Variants in EIF2AK1 observed in about 807,000 individuals in gnomAD.
EIF2AK1 encodes the protein eukaryotic translation initiation factor 2 alpha kinase 1.
In EIF2AK1, 54 loss-of-function variants were observed where a neutral mutation model predicts 77.9. That is an observed-to-expected ratio of 0.69 (90% confidence interval 0.56 to 0.87). EIF2AK1 has a LOEUF of 0.87. Among genes scored for constraint, EIF2AK1 ranks in the 40% least tolerant of loss-of-function variants. The pLI, the probability that EIF2AK1 is intolerant of heterozygous loss-of-function variation, is 0.00. For missense variants in EIF2AK1, 810 were observed against 768.6 expected (o/e 1.05, Z -0.64); for synonymous variants, 314 against 290.5 (o/e 1.08, Z -0.82).
chr7:6,039,740 G>C (rs962181481), intron 9 of EIF2AK1, among the ~76,000 whole-genome samples: 12 of 151,060 alleles, frequency 7.9e-5, no homozygotes, highest in African/African-American at 2.7e-4. Flanking sequence ...TTTGATACCA[G>C]CCTGGCCAAC....
At chr7:6,045,179 CTCACTGCAA>C (rs1021524063) in intron 6 of EIF2AK1, among the ~76,000 whole-genome samples, 3 of 151,562 alleles carry the variant, frequency 2.0e-5, no homozygotes, top group African/African-American at 7.3e-5. Flanking sequence ...GCCATCTTGG[CTCACTGCAA>C]TCACTTTGCT....
In EIF2AK1 at chr7:6,029,005, C is replaced by T. The variant is rs1787826467; in HGVS notation, c.1360G>A (p.Asp454Asn). The T allele has an allele frequency of 2.5e-6, 4 of 1,612,170 alleles. No homozygotes were observed. In the Admixed American group the frequency reaches 5.1e-5, roughly 20 times the overall value. ...KPRNIFLHGP[D>N]QQVKIGDFGL... ...AAGTCTCCTATTTTTACTTGCTGAT[C>T]AGGGCCATGAAGAAAAATATTTCTT... Residue 454 changes from aspartate (D) to asparagine (N), a missense_variant, in exon 12 of 15, where the codon GAT becomes AAT. Transcript: ENST00000199389.
chr7:6,049,104 C>T (rs989630010), intron 3 of EIF2AK1, among the ~76,000 whole-genome samples: 9 of 152,114 alleles, frequency 5.9e-5, no homozygotes, highest in African/African-American at 1.7e-4. Flanking sequence ...ACCTCTCTCG[C>T]GTGTATGGTG....
chr7:6,023,667 C>T lies in EIF2AK1; in HGVS notation c.*1006G>A. 6.2e-7 allele frequency: 1 copy of T among 1,614,106 alleles called. No individual in the cohort carries two copies. The highest frequency in any genetic ancestry group is 8.5e-7 in the Non-Finnish European group (1 of 1,180,004). Reference sequence around the variant, plus strand: ...CTTGTGAAAACCTGGCTCCTTTTAACACGGCCCTCAAGCTCCTTAAGTGAA... The same window carrying T: ...CTTGTGAAAACCTGGCTCCTTTTAATACGGCCCTCAAGCTCCTTAAGTGAA... On this transcript the variant is annotated 3_prime_UTR_variant, in exon 15 of 15. Transcript: ENST00000199389.
chr7:6,045,498 C>G (rs112527249), intron 6 of EIF2AK1, among the ~76,000 whole-genome samples: 15 of 151,980 alleles, frequency 9.9e-5, no homozygotes, highest in African/African-American at 3.6e-4. Context: ...TTATGGCACA[C>G]TTATCACCAT....
At chr7:6,041,318 C>T (rs1456359316) in intron 8 of EIF2AK1, 99 bp from the exon 9 acceptor site, 2 of 1,246,336 alleles carry the variant, frequency 1.6e-6, no homozygotes, top group African/African-American at 3.0e-5. Flanking sequence ...GCGGGCAGAT[C>T]ACTTAAGGTC....
In EIF2AK1 at chr7:6,035,898, G is replaced by C. The variant is rs1250560906; in HGVS notation, c.1332+1526C>G. ...CAAAGCAGGCCGACTCCTCGGGGCG[G>C]GGGTCAGCTGCATCCGTCTGCTACT... On this transcript the variant is annotated intron_variant, in intron 11 of 14. Transcript: ENST00000199389. This position sits in a 1 kb window ranked among gnomAD's most constrained non-coding sequence, Gnocchi z 5.5. The C allele has an allele frequency of 6.5e-7, 1 of 1,546,750 alleles. No homozygotes were observed. The highest frequency in any genetic ancestry group is 2.0e-5 in the Admixed American group (1 of 50,786).
chr7:6,056,614 A>AAAAAAAAAAAAAAAAATATATG (rs1562761769), intron 1 of EIF2AK1, among the ~76,000 whole-genome samples: 6 of 53,472 alleles, frequency 1.1e-4, no homozygotes, highest in African/African-American at 6.3e-4. Context: ...AAAAAAAAAA[A>AAAAAAAAAAAAAAAAATATATG]TATATATATA....
At chr7:6,029,728 A>G (rs1293338816) in intron 11 of EIF2AK1, among the ~76,000 whole-genome samples, 1 of 152,094 alleles carries the variant, frequency 6.6e-6, no homozygotes, top group Non-Finnish European at 1.5e-5. Context: ...CACACCTGTA[A>G]TCTCAGCACT....
At chr7:6,058,795 G>C (rs545251172) in intron 1 of EIF2AK1, among the ~76,000 whole-genome samples, 171 bp downstream of exon 1, 1 of 152,326 alleles carries the variant, frequency 6.6e-6, no homozygotes, top group Non-Finnish European at 1.5e-5. Context: ...TACCTTACCC[G>C]ACGGCCCGCC....
chr7:6,041,882 C>G (rs1323078345), intron 8 of EIF2AK1, among the ~76,000 whole-genome samples: 1 of 150,182 alleles, frequency 6.7e-6, no homozygotes, highest in Non-Finnish European at 1.5e-5. Context: ...GGCACAATGG[C>G]TCATGCCTAT....
intron 13 of EIF2AK1, among the ~76,000 whole-genome samples, chr7:6,028,329 G>T (rs914708645): frequency 3.3e-5 from 5 of 151,206 alleles, no homozygotes; most frequent in Admixed American, 2.0e-4. Flanking sequence ...TCGGCTCACT[G>T]CAACCTCTGC....
intron 5 of EIF2AK1, 37 bp downstream of exon 5, chr7:6,046,955 T>G (rs1788462380): frequency 3.4e-6 from 5 of 1,473,390 alleles, no homozygotes; most frequent in Non-Finnish European, 4.6e-6. Flanking sequence ...CACAATTATT[T>G]AGGGTAGTAG....
intron 10 of EIF2AK1, 131 bp from the exon 11 acceptor site, chr7:6,037,655 A>G: frequency 3.0e-6 from 2 of 671,770 alleles, no homozygotes; most frequent in East Asian, 2.5e-5. Flanking sequence ...AACAAAGTCA[A>G]TGCTGCAGAA....
chr7:6,029,304 A>T (rs1787833522), intron 11 of EIF2AK1, among the ~76,000 whole-genome samples: 1 of 152,090 alleles, frequency 6.6e-6, no homozygotes, highest in South Asian at 2.1e-4. Context: ...GTTCAAGACA[A>T]GCATGGCCAA....
chr7:6,039,357 C>T (rs1161550456), intron 9 of EIF2AK1, among the ~76,000 whole-genome samples: 1 of 152,022 alleles, frequency 6.6e-6, no homozygotes, highest in Non-Finnish European at 1.5e-5. Flanking sequence ...CGTGGTGGCT[C>T]ACACCTGTAA....
In EIF2AK1 at chr7:6,043,717, C is replaced by T. The variant is rs535764974; in HGVS notation, c.731-724G>A. 2.0e-5 allele frequency among the ~76,000 whole-genome samples: 3 copies of T among 151,906 alleles called. 1 individual carries two copies. Among genetic ancestry groups the T allele is most frequent in the African/African-American group, 4.8e-5 (2 of 41,482 alleles). ...GTTGGGATTACAGCCATGAGCCACA[C>T]TGCCCCCAGCTAACTTTAAATTTAA... On this transcript the variant is annotated intron_variant, in intron 7 of 14. Coordinates refer to ENST00000199389, the MANE Select transcript of EIF2AK1 (RefSeq NM_014413.4).
At chr7:6,052,066 G>A (rs899206885) in intron 2 of EIF2AK1, among the ~76,000 whole-genome samples, 3 of 151,702 alleles carry the variant, frequency 2.0e-5, no homozygotes, top group African/African-American at 7.3e-5. Context: ...CAGCTACTTG[G>A]GAGGCTGAGG....
Position 6,026,786 on chromosome 7 carries a change from G to T in EIF2AK1, c.1706C>A (p.Ser569Ter). ...CAGCTGAATGGCAGATGGTCTCTGC[G>T]ATGAGTTCCTTCTCGTTAAGTGCTG... ...YIQHLTRRNS[S>*]QRPSAIQLLQ... is the part of the protein sequence containing the mutation. The change falls in exon 14 of 15, where the codon TCG (serine) becomes TAG (stop). Residue 569 changes from serine to a stop codon, truncating the protein, a stop_gained. Coordinates refer to ENST00000199389, the MANE Select transcript of EIF2AK1 (RefSeq NM_014413.4). LOFTEE classifies it high-confidence loss of function. 1.2e-6 allele frequency: 2 copies of T among 1,614,194 alleles called. No homozygotes were observed. The highest frequency in any genetic ancestry group is 1.7e-6 in the Non-Finnish European group (2 of 1,180,032).
Sources: allele counts gnomAD v4.1 joint callset (sites outside exome capture counted in the v4.1 genomes callset), GRCh38; gene constraint gnomAD v4.1.1; non-coding constraint Gnocchi (gnomAD v3.1); transcripts MANE v1.5; gene names NCBI Gene and HGNC (gene_info 2026-07-23, HGNC 2026-07-21).